The following DAPK1 variants were observed in gnomAD, a reference collection of about 807,000 sequenced individuals.
DAPK1 encodes death associated protein kinase 1, also known as death-associated protein kinase 1.
DAPK1 carries 56 observed loss-of-function variants against 144.9 expected under a neutral mutation model. The ratio of observed to expected loss-of-function variants is 0.39; its 90% CI spans 0.31 to 0.48. DAPK1 has a LOEUF of 0.48. Ranked by LOEUF, DAPK1 falls within the 20% of genes least tolerant of loss-of-function variation. The pLI is 0.95. For synonymous variants in DAPK1, 690 were observed against 749.0 expected (o/e 0.92, Z 1.29); for missense variants, 1,454 against 1,875.4 (o/e 0.78, Z 4.15).
chr9:87,675,509 A>G (rs956151701), intron 19 of DAPK1, among the ~76,000 whole-genome samples: 2 of 152,072 alleles, frequency 1.3e-5, no homozygotes, highest in African/African-American at 2.4e-5. Context: ...GGCAGAGAAC[A>G]ATGCCCGACA....
intron 2 of DAPK1, among the ~76,000 whole-genome samples, chr9:87,516,996 A>G (rs902869564): frequency 2.6e-5 from 4 of 152,134 alleles, no homozygotes; most frequent in African/African-American, 4.8e-5. Flanking sequence ...GGTCACCAGT[A>G]CATGCCACTT....
At chr9:87,677,011 G>A (rs779058783) in intron 19 of DAPK1, among the ~76,000 whole-genome samples, 3 of 152,200 alleles carry the variant, frequency 2.0e-5, no homozygotes, top group Non-Finnish European at 4.4e-5. Context: ...ATCCGAAAGG[G>A]AGGAGGATGG....
At chr9:87,618,185 T>C (rs1337094692) in intron 3 of DAPK1, among the ~76,000 whole-genome samples, 4 of 152,214 alleles carry the variant, frequency 2.6e-5, no homozygotes, top group Non-Finnish European at 4.4e-5. Context: ...GAATAGATGC[T>C]CAATATTATT....
At chr9:87,622,302 C>T (rs1023093053) in intron 3 of DAPK1, among the ~76,000 whole-genome samples, 5 of 152,022 alleles carry the variant, frequency 3.3e-5, no homozygotes, top group Non-Finnish European at 5.9e-5. Flanking sequence ...GTGAATCCTT[C>T]GTAGGTGTGA....
rs199597283 is a variant in DAPK1 at position 87,640,462 on chromosome 9, C to T, written c.782+12C>T. 3.9e-5 allele frequency: 63 copies of T among 1,612,628 alleles called. No homozygotes were observed. The highest frequency in any genetic ancestry group is 1.8e-4 in the Admixed American group (11 of 59,906). ...GTCAAGGATCCAAAGTGAGTGTCCA[C>T]GTTCCTGAAAGGTGCTTGGCCACGG... On this transcript the variant is annotated intron_variant, in intron 8 of 25. Transcript: ENST00000408954.
intron 23 of DAPK1, among the ~76,000 whole-genome samples, chr9:87,699,102 G>T (rs1446946628): frequency 6.6e-6 from 1 of 152,122 alleles, no homozygotes; most frequent in Non-Finnish European, 1.5e-5. Flanking sequence ...TGCATGTCTT[G>T]TCTTTGCCCA....
intron 2 of DAPK1, among the ~76,000 whole-genome samples, chr9:87,530,737 G>C (rs570152673): frequency 1.3e-5 from 2 of 152,250 alleles, no homozygotes; most frequent in Admixed American, 1.3e-4. Context: ...TGTGACATTG[G>C]GGTTTCATGT....
intron 2 of DAPK1, among the ~76,000 whole-genome samples, chr9:87,569,914 A>C (rs989771016): frequency 6.6e-6 from 1 of 152,236 alleles, no homozygotes; most frequent in African/African-American, 2.4e-5. Flanking sequence ...TTTCTGATTA[A>C]TGAAATCACC....
intron 3 of DAPK1, among the ~76,000 whole-genome samples, chr9:87,624,610 C>G (rs1357157721): frequency 6.6e-6 from 1 of 152,150 alleles, no homozygotes; most frequent in African/African-American, 2.4e-5. Flanking sequence ...AGTGTCTTCC[C>G]CTGGATTACT....
At chr9:87,538,176 A>G (rs1356855970) in intron 2 of DAPK1, among the ~76,000 whole-genome samples, 1 of 152,228 alleles carries the variant, frequency 6.6e-6, no homozygotes, top group Non-Finnish European at 1.5e-5. Context: ...CCACTGAAGT[A>G]TAGTCTAATA....
At chr9:87,660,510 G>A (rs551096112) in intron 18 of DAPK1, among the ~76,000 whole-genome samples, 1 of 152,134 alleles carries the variant, frequency 6.6e-6, no homozygotes, top group South Asian at 2.1e-4. Flanking sequence ...TATTCATAGG[G>A]TACAAGTGCA....
chr9:87,528,188 A>T lies in DAPK1; in HGVS notation c.62+29049A>T, dbSNP rs148100354. 2.4e-3 allele frequency among the ~76,000 whole-genome samples: 365 copies of T among 150,956 alleles called. 3 individuals carry two copies. Among genetic ancestry groups the T allele is most frequent in the African/African-American group, 8.5e-3 (350 of 41,132 alleles). On this transcript the variant is annotated intron_variant, in intron 2 of 25. Coordinates refer to ENST00000408954, the MANE Select transcript of DAPK1 (RefSeq NM_004938.4). ...TGATGTCTTATCCATTTGGAAGCTTATTGTTACAGTGCGTTTTCTTTTCTT... is the reference window on the plus strand; with the variant it reads ...TGATGTCTTATCCATTTGGAAGCTTTTTGTTACAGTGCGTTTTCTTTTCTT...
Position 87,700,241 on chromosome 9 carries a change from A to C in DAPK1, c.2871+4A>C. 1 of 1,611,348 alleles carries C rather than the reference A, an allele frequency of 6.2e-7. No homozygotes were observed. Among genetic ancestry groups the C allele is most frequent in the East Asian group, 2.2e-5 (1 of 44,856 alleles). On this transcript the variant is annotated splice_donor_region_variant and intron_variant, in intron 24 of 25. Transcript: ENST00000408954. The stretch of plus-strand genomic sequence containing the variant: ...AATACGAAGCCAGATTGTTTCGGTA[A>C]GTACACCATGGAAAGAGCCTGGACC...
chr9:87,690,169 TCA>T (rs1458777397), intron 21 of DAPK1, among the ~76,000 whole-genome samples: 1 of 152,186 alleles, frequency 6.6e-6, no homozygotes, highest in East Asian at 1.9e-4. Flanking sequence ...TTGTGTCCTC[TCA>T]GTGTCTTTCG....
intron 17 of DAPK1, among the ~76,000 whole-genome samples, chr9:87,652,264 T>C (rs1187622063): frequency 3.6e-5 from 3 of 82,738 alleles, no homozygotes; most frequent in Non-Finnish European, 4.9e-5. Flanking sequence ...TCTGTGTCCA[T>C]CCCCCCGATC....
intron 3 of DAPK1, among the ~76,000 whole-genome samples, chr9:87,617,150 G>A (rs1829125615): frequency 6.6e-6 from 1 of 152,230 alleles, no homozygotes; most frequent in African/African-American, 2.4e-5. Flanking sequence ...TGCATAGTTA[G>A]GGTCCATTTG....
chr9:87,621,615 G>A (rs536463467), intron 3 of DAPK1, among the ~76,000 whole-genome samples: 1 of 152,140 alleles, frequency 6.6e-6, no homozygotes, highest in Non-Finnish European at 1.5e-5. Flanking sequence ...GCTCAGGGTG[G>A]TCTGTGGTCT....
At chr9:87,530,978 A>G (rs1024476871) in intron 2 of DAPK1, among the ~76,000 whole-genome samples, 1 of 152,190 alleles carries the variant, frequency 6.6e-6, no homozygotes, top group African/African-American at 2.4e-5. Context: ...CATTAGCGCC[A>G]GGCCTTTTAA....
chr9:87,659,914 C>G (rs578196469), intron 18 of DAPK1, among the ~76,000 whole-genome samples: 2 of 152,280 alleles, frequency 1.3e-5, no homozygotes, highest in African/African-American at 4.8e-5. Context: ...CAGGAGACTT[C>G]TGGAAATGGG....
Sources: gnomAD v4.1 joint callset for allele counts (sites outside exome capture counted in the v4.1 genomes callset) on GRCh38, gnomAD v4.1.1 for gene constraint, MANE v1.5 for transcripts, NCBI Gene and HGNC (gene_info 2026-07-23, HGNC 2026-07-21) for gene names.